Variants in LYVE1 observed in about 807,000 individuals in gnomAD.
LYVE1 encodes the protein lymphatic vessel endothelial hyaluronan receptor 1, also known as lymphatic vessel endothelial hyaluronic acid receptor 1.
A neutral mutation model predicts 31.5 loss-of-function variants in LYVE1; 29 were observed. The observed-to-expected ratio is 0.92, with a 90% CI of 0.69 to 1.26. The LOEUF (loss-of-function observed/expected upper bound fraction) is 1.26. Ranked by LOEUF, LYVE1 falls within the 50% of genes most tolerant of loss-of-function variation. The pLI, the probability that LYVE1 is intolerant of heterozygous loss-of-function variation, is 0.00. For synonymous variants in LYVE1, 134 were observed against 139.4 expected (o/e 0.96, Z 0.27); for missense variants, 376 against 380.2 (o/e 0.99, Z 0.09).
intron 1 of LYVE1, among the ~76,000 whole-genome samples, chr11:10,564,915 TC>T (rs1162066312): frequency 2.6e-5 from 4 of 152,158 alleles, no homozygotes; most frequent in Non-Finnish European, 4.4e-5. Flanking sequence ...ACTCAGAAGT[TC>T]CTGGAGGAGC....
Position 10,559,155 on chromosome 11 carries a change from T to C in LYVE1, c.925A>G (p.Ser309Gly). The C allele has an allele frequency of 6.2e-7, 1 of 1,614,210 alleles. No homozygotes were observed. Among genetic ancestry groups the C allele is most frequent in the Non-Finnish European group, 8.5e-7 (1 of 1,180,018 alleles). The change falls in exon 6 of 6, where the codon AGT becomes GGT. Residue 309 changes from serine to glycine, a missense_variant. Transcript: ENST00000256178. ...CATCGCACGGTAGTTTTGCTTGGAC[T>C]CTTGGACTCTTCTGGGTTTTTATCA... ...KTDKNPEESK[S>G]PSKTTVRCLE...
chr11:10,559,949 T>C (rs1591512809), intron 4 of LYVE1, 55 bp from the exon 5 acceptor site: 3 of 1,249,994 alleles, frequency 2.4e-6, no homozygotes, highest in Non-Finnish European at 2.4e-6. Flanking sequence ...TTGTGTGTAA[T>C]GCTCATTGCA....
In LYVE1 at chr11:10,560,629, G is replaced by T. The variant is rs1340516763; in HGVS notation, c.569C>A (p.Ser190Tyr). The T allele has an allele frequency of 1.2e-6, 2 of 1,614,166 alleles. No individual in the cohort carries two copies. The highest frequency in any genetic ancestry group is 1.1e-5 in the South Asian group (1 of 91,074). ...TTTTTTTCTCCGTGGAATAGAAGTG[G>T]AAGCTGGAGCAGGAGGAGTAGTAGT... ...APTTTPPAPA[S>Y]TSIPRRKKLI... Residue 190 changes from serine to tyrosine, a missense_variant, in exon 4 of 6, where the codon TCC becomes TAC. By Grantham distance (144) the Ser-to-Tyr change is moderately radical (BLOSUM62 -2). Transcript: ENST00000256178.
Position 10,559,057 on chromosome 11 carries a change from G to T in LYVE1, c.*54C>A, listed in dbSNP as rs1021872442. On this transcript the variant is annotated 3_prime_UTR_variant, in exon 6 of 6. Transcript: ENST00000256178. ...TTTTGATTTCCCCAGCTGGGGCAGG[G>T]TAAGGAGCATGAAAGAAACCAGCCT... 18 of 1,534,592 alleles carry T rather than the reference G, an allele frequency of 1.2e-5. No individual in the cohort carries two copies. Among genetic ancestry groups the T allele is most frequent in the Non-Finnish European group, 1.5e-5 (17 of 1,119,776 alleles).
intron 3 of LYVE1, among the ~76,000 whole-genome samples, chr11:10,561,650 A>G (rs1188493809): frequency 1.3e-5 from 2 of 152,258 alleles, no homozygotes; most frequent in Non-Finnish European, 2.9e-5. Flanking sequence ...ATTGAACAAT[A>G]TTACTAAACC....
chr11:10,567,785 A>G (rs924459515), intron 1 of LYVE1, among the ~76,000 whole-genome samples: 2 of 152,178 alleles, frequency 1.3e-5, no homozygotes, highest in African/African-American at 2.4e-5. Flanking sequence ...TTATATTTTT[A>G]CAGATTTTTT....
At chr11:10,567,104 C>G (rs79491714) in intron 1 of LYVE1, among the ~76,000 whole-genome samples, 1,787 of 152,296 alleles carry the variant, frequency 0.012, 31 homozygotes, top group African/African-American at 0.04. Context: ...TTATTATGTA[C>G]TGCCTGCATG....
At chr11:10,564,484 G>T in intron 1 of LYVE1, 110 bp from the exon 2 acceptor site, 2 of 977,784 alleles carry the variant, frequency 2.0e-6, no homozygotes, top group Non-Finnish European at 3.0e-6. Context: ...GGTCTATCTG[G>T]CTGGGACTGG....
Position 10,563,965 on chromosome 11 carries a change from A to G in LYVE1, c.372T>C (p.Phe124=), listed in dbSNP as rs1386965193. The G allele has an allele frequency of 1.2e-6, 2 of 1,614,208 alleles. No individual in the cohort carries two copies. Among genetic ancestry groups the G allele is most frequent in the South Asian group, 1.1e-5 (1 of 91,086 alleles). The change falls in exon 3 of 6, where the codon TTT becomes TTC. Residue 124 remains phenylalanine (F), a synonymous_variant. Coordinates refer to ENST00000256178, the MANE Select transcript of LYVE1 (RefSeq NM_006691.4). ...CAGATGAGTTGTAACAATAGGCTGC[A>G]AACTGTCGGCTCACTGGAACCTTCC... ...LIWKVPVSRQ[F]AAYCYNSSDT...
At position 10,559,128 on chromosome 11, in the gene LYVE1, G is replaced by C; in HGVS notation, c.952C>G (p.Leu318Val). 6.2e-7 allele frequency: 1 copy of C among 1,613,732 alleles called. No individual in the cohort carries two copies. The highest frequency in any genetic ancestry group is 1.1e-5 in the South Asian group (1 of 90,964). Residue 318 changes from leucine to valine, a missense_variant, in exon 6 of 6, where the codon CTG becomes GTG. Physicochemically the swap from Leu to Val is conservative, Grantham distance 32. Coordinates refer to ENST00000256178, the MANE Select transcript of LYVE1 (RefSeq NM_006691.4). ...KSPSKTTVRC[L>V]EAEV ...TGTCTCATCTAAACTTCAGCTTCCAGGCATCGCACGGTAGTTTTGCTTGGA... is the reference window on the plus strand; with the variant it reads ...TGTCTCATCTAAACTTCAGCTTCCACGCATCGCACGGTAGTTTTGCTTGGA...
intron 1 of LYVE1, among the ~76,000 whole-genome samples, chr11:10,565,052 T>C (rs114982559): frequency 8.6e-4 from 131 of 152,324 alleles, no homozygotes; most frequent in African/African-American, 3.0e-3. Flanking sequence ...ACTTCATCTC[T>C]TTAATCTTCA....
At position 10,568,480 on chromosome 11, in the gene LYVE1, C is replaced by T. The variant is rs1850586843; in HGVS notation, c.53G>A (p.Arg18Lys). 1.2e-6 allele frequency: 2 copies of T among 1,614,036 alleles called. No individual in the cohort carries two copies. Among genetic ancestry groups the T allele is most frequent in the Non-Finnish European group, 1.7e-6 (2 of 1,179,946 alleles). The change falls in exon 1 of 6, where the codon AGG becomes AAG. Residue 18 changes from arginine to lysine, a missense_variant. Coordinates refer to ENST00000256178, the MANE Select transcript of LYVE1 (RefSeq NM_006691.4). ...VLLLTSIWTT[R>K]LLVQGSLRAE... ...ACGCAAAGAGCCTTGGACCAGGAGC[C>T]TCGTGGTCCAGATGGAAGTGAGAAG...
At chr11:10,559,346 A>G in intron 5 of LYVE1, 49 bp from the exon 6 acceptor site, 1 of 1,498,484 alleles carries the variant, frequency 6.7e-7, no homozygotes, top group South Asian at 1.2e-5. Context: ...ACACATAACG[A>G]TAGATAACAC....
chr11:10,561,393 A>G (rs968881461), intron 3 of LYVE1, among the ~76,000 whole-genome samples: 6 of 152,320 alleles, frequency 3.9e-5, no homozygotes, highest in Non-Finnish European at 8.8e-5. Context: ...ATAGGGAAGG[A>G]AGGAAAAGGG....
chr11:10,568,405 A>T, intron 1 of LYVE1, 43 bp downstream of exon 1: 1 of 1,603,128 alleles, frequency 6.2e-7, no homozygotes, highest in South Asian at 1.1e-5. Flanking sequence ...GAGGCTTAGG[A>T]CTGAAGCCTT....
intron 3 of LYVE1, among the ~76,000 whole-genome samples, chr11:10,561,430 A>G (rs1591513858): frequency 6.6e-6 from 1 of 152,210 alleles, no homozygotes; most frequent in East Asian, 1.9e-4. Flanking sequence ...AGATTGGAAG[A>G]CCAAATATAC....
At chr11:10,567,734 G>A (rs2134016514) in intron 1 of LYVE1, among the ~76,000 whole-genome samples, 1 of 152,278 alleles carries the variant, frequency 6.6e-6, no homozygotes, top group Non-Finnish European at 1.5e-5. Flanking sequence ...ATCACTTTAA[G>A]TCATTCCTTT....
chr11:10,558,871 G>C lies in LYVE1; in HGVS notation c.*240C>G. The C allele has an allele frequency of 2.2e-6, 1 of 463,506 alleles. No individual in the cohort carries two copies. The highest frequency in any genetic ancestry group is 3.8e-6 in the Non-Finnish European group (1 of 264,398). 28.7% of individuals were successfully genotyped at this position (463,506 alleles called of 1,614,324 possible). On this transcript the variant is annotated 3_prime_UTR_variant, in exon 6 of 6. Transcript: ENST00000256178. ...ATATTATTAGGACATAGCCAGGCTAGAAAGGCCGTGGGAAGCTTTGGAGGT... is the reference window on the plus strand; with the variant it reads ...ATATTATTAGGACATAGCCAGGCTACAAAGGCCGTGGGAAGCTTTGGAGGT...
intron 1 of LYVE1, among the ~76,000 whole-genome samples, chr11:10,565,033 A>G (rs1157470758): frequency 2.0e-5 from 3 of 152,184 alleles, no homozygotes; most frequent in African/African-American, 4.8e-5. Flanking sequence ...CTGTGACCTT[A>G]GCCTAGATAC....
Sources: allele counts gnomAD v4.1 joint callset (sites outside exome capture counted in the v4.1 genomes callset), GRCh38; gene constraint gnomAD v4.1.1; transcripts MANE v1.5; gene names NCBI Gene and HGNC (gene_info 2026-07-23, HGNC 2026-07-21).